ABCC8: variants seen among roughly 807,000 people sequenced by gnomAD.
ABCC8 encodes the protein ATP binding cassette subfamily C member 8.
ABCC8 carries 137 observed loss-of-function variants against 188.0 expected under a neutral mutation model. The ratio of observed to expected loss-of-function variants is 0.73; its 90% confidence interval spans 0.63 to 0.84. The LOEUF is 0.84. Ranked by LOEUF, ABCC8 falls within the 40% of genes least tolerant of loss-of-function variation. ABCC8 has a pLI of 0.00. For missense variants in ABCC8, 1,750 were observed against 2,072.7 expected (o/e 0.84, Z 3.02); for synonymous variants, 797 against 846.5 (o/e 0.94, Z 1.01).
intron 22 of ABCC8, among the ~76,000 whole-genome samples, chr11:17,409,230 T>C (rs1954691799): frequency 1.3e-5 from 2 of 152,222 alleles, no homozygotes. Flanking sequence ...GTGCTGGGAT[T>C]ACAGGCATTA....
At chr11:17,450,445 A>G (rs1397955439) in intron 7 of ABCC8, among the ~76,000 whole-genome samples, 1 of 123,362 alleles carries the variant, frequency 8.1e-6, no homozygotes, top group African/African-American at 3.3e-5. Flanking sequence ...CCCAGGCTGG[A>G]GTGCGGTGGT....
At chr11:17,392,571 T>G, downstream of ABCC8, 1 of 336,970 alleles carries the variant, frequency 3.0e-6, no homozygotes, top group Non-Finnish European at 5.8e-6. Flanking sequence ...GTGCACAGAG[T>G]AAAGGTCATG....
chr11:17,412,795 C>T (rs775110870), intron 20 of ABCC8, 49 bp from the exon 21 acceptor site: 3 of 1,572,208 alleles, frequency 1.9e-6, no homozygotes, highest in African/African-American at 2.7e-5. Context: ...ATTCAGGAGA[C>T]ACTGTCCTGT....
intron 20 of ABCC8, 161 bp from the exon 21 acceptor site, chr11:17,412,907 G>T (rs747248089): frequency 1.6e-4 from 229 of 1,462,216 alleles, no homozygotes; most frequent in Non-Finnish European, 2.1e-4. Flanking sequence ...CGTGTTTACT[G>T]AATTCATTCA....
intron 31 of ABCC8, 146 bp from the exon 32 acceptor site, chr11:17,397,459 C>G: frequency 6.6e-7 from 1 of 1,507,156 alleles, no homozygotes; most frequent in South Asian, 1.2e-5. Context: ...GCAGCCCTCC[C>G]TGGAGGCACA....
chr11:17,422,199 A>G (rs1350499102), intron 16 of ABCC8, among the ~76,000 whole-genome samples: 1 of 152,192 alleles, frequency 6.6e-6, no homozygotes, highest in Non-Finnish European at 1.5e-5. Context: ...GGCCAGCCAG[A>G]GCAGTGCACA....
chr11:17,467,770 C>A (rs920341120), intron 3 of ABCC8, among the ~76,000 whole-genome samples: 21 of 152,082 alleles, frequency 1.4e-4, no homozygotes, highest in African/African-American at 4.8e-4. Context: ...TTCACAGGCA[C>A]GTCCCCTCCA....
chr11:17,395,755 T>C (rs368941424), intron 34 of ABCC8, 37 bp from the exon 35 acceptor site: 47 of 1,552,308 alleles, frequency 3.0e-5, no homozygotes, highest in Non-Finnish European at 4.1e-5. Context: ...GGGAAGGCGG[T>C]GACTGCTGGG....
intron 28 of ABCC8, among the ~76,000 whole-genome samples, chr11:17,403,158 G>A (rs1462960534): frequency 5.3e-5 from 8 of 152,192 alleles, no homozygotes; most frequent in Non-Finnish European, 8.8e-5. Flanking sequence ...AACTCAAAGC[G>A]TTCAACCCCG....
intron 8 of ABCC8, among the ~76,000 whole-genome samples, chr11:17,445,309 G>T (rs1956480815): frequency 6.6e-6 from 1 of 151,644 alleles, no homozygotes; most frequent in African/African-American, 2.4e-5. Context: ...GATAAACGGT[G>T]GCCAAGGGCT....
intron 1 of ABCC8, 40 bp downstream of exon 1, chr11:17,476,589 T>C (rs1490532667): frequency 6.2e-7 from 1 of 1,602,456 alleles, no homozygotes; most frequent in Admixed American, 1.7e-5. Context: ...CCCTCCCTGC[T>C]CTCCCGTCCC....
Position 17,428,613 on chromosome 11 carries a change from G to A in ABCC8, c.1875C>T (p.Ala625=). ...GGCCCTGAGGTGTGGGCTCATGGGG[G>A]GCACACTGCTCCTCACGGATCTCTG... ...SSAEIREEQC[A]PHEPTPQGPA... Residue 625 remains alanine (A), a synonymous_variant, in exon 13 of 39, where the codon GCC becomes GCT. Coordinates refer to ENST00000389817, the MANE Select transcript of ABCC8 (RefSeq NM_000352.6). 1 of 1,614,076 alleles carries A rather than the reference G, an allele frequency of 6.2e-7. No individual in the cohort carries two copies. The highest frequency in any genetic ancestry group is 8.5e-7 in the Non-Finnish European group (1 of 1,180,040).
chr11:17,406,773 G>C lies in ABCC8; in HGVS notation c.3178C>G (p.Gln1060Glu). ...GTGAACACCATGGCATAGACAGTCT[G>C]GTCGAGGGTGCACTCCTTCACAGGC... Reference protein sequence around the residue: ...CSLSQECTLDQTVYAMVFTVL... With the variant: ...CSLSQECTLDETVYAMVFTVL... Residue 1060 changes from glutamine (Q) to glutamate (E), a missense_variant, in exon 26 of 39, where the codon CAG becomes GAG. Transcript: ENST00000389817. The C allele has an allele frequency of 6.2e-7, 1 of 1,614,208 alleles. No homozygotes were observed. The highest frequency in any genetic ancestry group is 1.3e-5 in the African/African-American group (1 of 75,046).
chr11:17,467,086 A>ACACACACACC (rs3033411), intron 3 of ABCC8, among the ~76,000 whole-genome samples: 1 of 148,746 alleles, frequency 6.7e-6, no homozygotes, highest in African/African-American at 2.5e-5. Context: ...ACACACACAC[A>ACACACACACC]ACTTCCCATT....
chr11:17,397,360 T>G (rs748514024), intron 31 of ABCC8, 47 bp from the exon 32 acceptor site: 62 of 1,602,840 alleles, frequency 3.9e-5, no homozygotes, highest in Non-Finnish European at 5.3e-5. Flanking sequence ...CGCTTAGTTC[T>G]GTCCTCAGCC....
intron 6 of ABCC8, among the ~76,000 whole-genome samples, chr11:17,455,369 T>G (rs1211619715): frequency 6.6e-6 from 1 of 152,118 alleles, no homozygotes; most frequent in Non-Finnish European, 1.5e-5. Flanking sequence ...AGACTATGGG[T>G]GTTACTTAAA....
intron 30 of ABCC8, 130 bp from the exon 31 acceptor site, chr11:17,397,927 C>T (rs1011077229): frequency 1.5e-5 from 22 of 1,506,146 alleles, no homozygotes; most frequent in Middle Eastern, 2.2e-4. Context: ...CTCATGCACA[C>T]GTCACCAGAC....
intron 7 of ABCC8, among the ~76,000 whole-genome samples, chr11:17,449,019 C>G (rs186979154): frequency 6.6e-6 from 1 of 152,116 alleles, no homozygotes; most frequent in Non-Finnish European, 1.5e-5. Context: ...CTCCACCTTC[C>G]GGGTTCAAGC....
intron 6 of ABCC8, among the ~76,000 whole-genome samples, chr11:17,459,823 A>T (rs1285830517): frequency 6.6e-6 from 1 of 152,244 alleles, no homozygotes; most frequent in African/African-American, 2.4e-5. Flanking sequence ...TTCTAGCTCC[A>T]ACAAATTTCA....
Sources: allele counts gnomAD v4.1 joint callset (sites outside exome capture counted in the v4.1 genomes callset), GRCh38; gene constraint gnomAD v4.1.1; transcripts MANE v1.5; gene names NCBI Gene and HGNC (gene_info 2026-07-23, HGNC 2026-07-21).